RIMS1: variants seen among roughly 807,000 people sequenced by gnomAD.
RIMS1 encodes the protein regulating synaptic membrane exocytosis 1, also known as regulating synaptic membrane exocytosis protein 1.
RIMS1 carries 83 observed loss-of-function variants against 214.1 expected under a neutral mutation model. That is an observed-to-expected ratio of 0.39 (90% CI 0.32 to 0.47). RIMS1 has a LOEUF of 0.47. Among genes scored for constraint, RIMS1 ranks in the 20% least tolerant of loss-of-function variants. The pLI, the probability that RIMS1 is intolerant of heterozygous loss-of-function variation, is 0.99. For synonymous variants in RIMS1, 793 were observed against 786.8 expected, an observed-to-expected ratio of 1.01 and a Z score of -0.13; for missense variants, 2,050 against 2,161.8, an observed-to-expected ratio of 0.95 and a Z score of 1.03.
intron 6 of RIMS1, among the ~76,000 whole-genome samples, chr6:72,187,881 A>G (rs2049395530): frequency 6.6e-6 from 1 of 152,158 alleles, no homozygotes. Context: ...AGGGGAGTTT[A>G]TTAAGGAGTA....
At chr6:72,268,170 C>T (rs16882237) in intron 22 of RIMS1, among the ~76,000 whole-genome samples, 12,230 of 152,078 alleles carry the variant, frequency 0.08, 561 homozygotes, top group Middle Eastern at 0.11. Flanking sequence ...TTTGTGAACA[C>T]GCCTATGAAG....
intron 2 of RIMS1, among the ~76,000 whole-genome samples, chr6:72,065,082 A>G (rs1396984856): frequency 6.6e-6 from 1 of 152,196 alleles, no homozygotes; most frequent in African/African-American, 2.4e-5. Context: ...ATGATTAGTT[A>G]TTAATTATCT....
intron 6 of RIMS1, among the ~76,000 whole-genome samples, chr6:72,217,930 C>T (rs2056877633): frequency 6.6e-6 from 1 of 151,984 alleles, no homozygotes; most frequent in Non-Finnish European, 1.5e-5. Flanking sequence ...CCCTTGTTTC[C>T]CTTCTGCCAG....
chr6:72,181,466 TAGAG>T (rs1379169304), intron 5 of RIMS1, among the ~76,000 whole-genome samples: 1 of 152,218 alleles, frequency 6.6e-6, no homozygotes, highest in Non-Finnish European at 1.5e-5. Flanking sequence ...TTAAATAAGA[TAGAG>T]AATTTGGAGC....
chr6:72,241,660 T>C (rs554234284), intron 9 of RIMS1, among the ~76,000 whole-genome samples: 1 of 152,336 alleles, frequency 6.6e-6, no homozygotes, highest in South Asian at 2.1e-4. Context: ...GTATAGTACA[T>C]ATGTGTTTTG....
chr6:72,087,536 A>C (rs1834973219), intron 2 of RIMS1, among the ~76,000 whole-genome samples: 1 of 152,178 alleles, frequency 6.6e-6, no homozygotes, highest in Non-Finnish European at 1.5e-5. Context: ...CTAAAGGTTG[A>C]CTAACTTTAT....
intron 2 of RIMS1, among the ~76,000 whole-genome samples, chr6:72,018,543 G>T (rs1444296348): frequency 1.3e-5 from 2 of 152,162 alleles, no homozygotes; most frequent in Non-Finnish European, 2.9e-5. Flanking sequence ...AGATGTCTGA[G>T]CTGGATAAAT....
chr6:72,038,102 AAAAAAAAAAAAAAAAAAT>A (rs1220978025), intron 2 of RIMS1, among the ~76,000 whole-genome samples: 51 of 72,498 alleles, frequency 7.0e-4, no homozygotes, highest in African/African-American at 3.4e-3. Context: ...AAAAAAAAAA[AAAAAAAAAAAAAAAAAAT>A]ATATATATAT....
chr6:72,379,491 T>C (rs2098449221), intron 29 of RIMS1, among the ~76,000 whole-genome samples: 1 of 152,230 alleles, frequency 6.6e-6, no homozygotes, highest in Non-Finnish European at 1.5e-5. Flanking sequence ...ATGTTGCAGC[T>C]TAATTTTACG....
rs139640222 is a variant in RIMS1 at position 71,891,641 on chromosome 6, A to G, written c.164+4454A>G. Among the ~76,000 whole-genome samples, 770 of 152,334 alleles carry G rather than the reference A, an allele frequency of 5.1e-3. 9 individuals are homozygous for G. The highest frequency in any genetic ancestry group is 0.02 in the Middle Eastern group (6 of 294). ...GGGGATGAGGATAGCGTTCCTATGTATGCAGGTATCATATTTTCATTAGGG... is the reference window on the plus strand; with the variant it reads ...GGGGATGAGGATAGCGTTCCTATGTGTGCAGGTATCATATTTTCATTAGGG... On this transcript the variant is annotated intron_variant, in intron 1 of 33. Transcript: ENST00000521978.
chr6:72,147,342 C>A (rs188620746), intron 4 of RIMS1, among the ~76,000 whole-genome samples: 313 of 152,264 alleles, frequency 2.1e-3, no homozygotes, highest in African/African-American at 7.2e-3. Flanking sequence ...TTTCATTGGG[C>A]AGTTTCTTAA....
At chr6:72,135,189 G>C (rs1587838374) in intron 4 of RIMS1, among the ~76,000 whole-genome samples, 1 of 152,042 alleles carries the variant, frequency 6.6e-6, no homozygotes, top group Non-Finnish European at 1.5e-5. Context: ...CTCAAAGACA[G>C]AAAGCCCAAA....
intron 30 of RIMS1, among the ~76,000 whole-genome samples, chr6:72,391,788 C>T (rs1261572201): frequency 2.6e-5 from 4 of 152,082 alleles, no homozygotes; most frequent in Admixed American, 2.0e-4. Context: ...AACTTACTGA[C>T]AAAATACCCA....
At chr6:72,400,405 C>G in intron 33 of RIMS1, 91 bp from the exon 34 acceptor site, 1 of 1,039,976 alleles carries the variant, frequency 9.6e-7, no homozygotes, top group Non-Finnish European at 1.5e-6. Context: ...GCTTCACTGA[C>G]TGGCCCACTT....
chr6:72,157,206 G>C (rs970744979), intron 4 of RIMS1, among the ~76,000 whole-genome samples: 2 of 140,496 alleles, frequency 1.4e-5, no homozygotes, highest in African/African-American at 4.9e-5. Flanking sequence ...TATGTGTCAG[G>C]CATGTGGGGA....
intron 27 of RIMS1, among the ~76,000 whole-genome samples, chr6:72,310,396 C>G (rs2095447579): frequency 6.6e-6 from 1 of 151,848 alleles, no homozygotes; most frequent in South Asian, 2.1e-4. Flanking sequence ...AATGTGTCAC[C>G]ATTCTATTTT....
chr6:72,168,933 A>G (rs1485225601), intron 4 of RIMS1, among the ~76,000 whole-genome samples: 1 of 152,046 alleles, frequency 6.6e-6, no homozygotes, highest in Non-Finnish European at 1.5e-5. Context: ...TTTGATCAAT[A>G]TATTGGGTTA....
intron 16 of RIMS1, among the ~76,000 whole-genome samples, chr6:72,256,283 G>C (rs900339278): frequency 2.0e-5 from 3 of 152,012 alleles, no homozygotes; most frequent in African/African-American, 7.3e-5. Flanking sequence ...ATGACTTTGA[G>C]TCACCAAAAT....
At chr6:72,116,105 G>A (rs1487701372) in intron 4 of RIMS1, among the ~76,000 whole-genome samples, 2 of 151,960 alleles carry the variant, frequency 1.3e-5, no homozygotes, top group African/African-American at 4.8e-5. Context: ...AGAGTGAGAA[G>A]CACTGCAGTG....
Sources: gnomAD v4.1 joint callset for allele counts (sites outside exome capture counted in the v4.1 genomes callset) on GRCh38, gnomAD v4.1.1 for gene constraint, MANE v1.5 for transcripts, NCBI Gene and HGNC (gene_info 2026-07-23, HGNC 2026-07-21) for gene names.